RABGAP1L: variants seen among roughly 807,000 people sequenced by gnomAD.
RABGAP1L encodes rab GTPase-activating protein 1-like.
A neutral mutation model predicts 137.7 loss-of-function variants in RABGAP1L; 63 were observed. The observed-to-expected ratio is 0.46, with a 90% CI of 0.37 to 0.56. The LOEUF (loss-of-function observed/expected upper bound fraction) is 0.56. Ranked by LOEUF, RABGAP1L falls within the 20% of genes least tolerant of loss-of-function variation. The probability of loss-of-function intolerance (pLI) is 0.00; values close to 1 mark genes in which losing one functional copy is unlikely to be tolerated. For synonymous variants in RABGAP1L, 431 were observed against 433.7 expected (o/e 0.99, Z 0.08); for missense variants, 1,095 against 1,244.0 (o/e 0.88, Z 1.80).
intron 14 of RABGAP1L, among the ~76,000 whole-genome samples, chr1:174,669,329 G>A (rs1381840247): frequency 2.0e-5 from 3 of 152,136 alleles, no homozygotes; most frequent in South Asian, 2.1e-4. Flanking sequence ...CCCTTGGCAC[G>A]TGGGGATTTT....
At chr1:174,704,025 T>C (rs1393671345) in intron 17 of RABGAP1L, among the ~76,000 whole-genome samples, 1 of 152,186 alleles carries the variant, frequency 6.6e-6, no homozygotes. Context: ...TGAGATGTAG[T>C]CTCACTCTGT....
At chr1:174,837,708 AAGG>A (rs1271422553) in intron 19 of RABGAP1L, among the ~76,000 whole-genome samples, 4 of 152,210 alleles carry the variant, frequency 2.6e-5, no homozygotes, top group Non-Finnish European at 4.4e-5. Context: ...TCTAAAACAA[AAGG>A]AGTTTATTCT....
At chr1:174,469,131 G>A (rs565298915) in intron 13 of RABGAP1L, among the ~76,000 whole-genome samples, 1 of 152,114 alleles carries the variant, frequency 6.6e-6, no homozygotes, top group Non-Finnish European at 1.5e-5. Context: ...AAGTGCAGCT[G>A]TTACTGTATT....
At chr1:174,166,462 A>G (rs932380894) in intron 1 of RABGAP1L, among the ~76,000 whole-genome samples, 6 of 152,240 alleles carry the variant, frequency 3.9e-5, no homozygotes, top group African/African-American at 1.2e-4. Flanking sequence ...TATTTTATAC[A>G]AAATCCACTT....
rs143726197 is a variant in RABGAP1L at position 174,470,211 on chromosome 1, C to T, written c.1710+76066C>T. ...ATCCATCTTTTTCTCACTTCTCTAT[C>T]ATTAGCTATAAACTGATTTTGAATT... On this transcript the variant is annotated intron_variant, in intron 13 of 25. Transcript: ENST00000681986. Among the ~76,000 whole-genome samples, 8 of 152,258 alleles carry T rather than the reference C, an allele frequency of 5.3e-5. No homozygotes were observed. The East Asian group carries it at 1.5e-3, about 29-fold the overall frequency.
intron 14 of RABGAP1L, among the ~76,000 whole-genome samples, chr1:174,681,159 A>G (rs956374816): frequency 2.6e-5 from 4 of 152,196 alleles, no homozygotes; most frequent in Admixed American, 6.5e-5. Flanking sequence ...CAATTTGGCA[A>G]TTTCTTATAA....
chr1:174,850,206 G>C (rs904888077), intron 19 of RABGAP1L: 3 of 350,292 alleles, frequency 8.6e-6, no homozygotes, highest in Admixed American at 3.7e-5. Flanking sequence ...TACGCCACAC[G>C]TGGGAACACC....
At chr1:174,572,507 T>C (rs1306425674) in intron 13 of RABGAP1L, among the ~76,000 whole-genome samples, 3 of 152,054 alleles carry the variant, frequency 2.0e-5, no homozygotes, top group Non-Finnish European at 2.9e-5. Context: ...CTCAGCCTCC[T>C]GAGTAGCTAG....
chr1:174,186,810 A>G (rs1396453687), intron 1 of RABGAP1L, among the ~76,000 whole-genome samples: 1 of 152,078 alleles, frequency 6.6e-6, no homozygotes, highest in Non-Finnish European at 1.5e-5. Context: ...AAATCGAGGT[A>G]TACATTTATT....
At chr1:174,182,918 A>G (rs1666495170) in intron 1 of RABGAP1L, among the ~76,000 whole-genome samples, 1 of 152,174 alleles carries the variant, frequency 6.6e-6, no homozygotes, top group Admixed American at 6.5e-5. Context: ...ATTTATATTT[A>G]TTATAGAAAA....
chr1:174,774,529 G>A (rs1314226622), intron 18 of RABGAP1L, among the ~76,000 whole-genome samples: 1 of 151,808 alleles, frequency 6.6e-6, no homozygotes, highest in Non-Finnish European at 1.5e-5. Context: ...GTGAGATCCT[G>A]TCTCAAAAAA....
chr1:174,548,048 C>A, intron 13 of RABGAP1L: 1 of 1,550,416 alleles, frequency 6.4e-7, no homozygotes, highest in East Asian at 2.4e-5. Context: ...AGGCTTAATG[C>A]CTGTTAAATG....
At chr1:174,589,534 A>C (rs1572419948) in intron 13 of RABGAP1L, among the ~76,000 whole-genome samples, 2 of 152,264 alleles carry the variant, frequency 1.3e-5, no homozygotes, top group Admixed American at 1.3e-4. Flanking sequence ...ATTTTTGCCC[A>C]GCTTGATGTC....
chr1:174,974,699 T>C (rs949811136), intron 21 of RABGAP1L, among the ~76,000 whole-genome samples: 15 of 152,184 alleles, frequency 9.9e-5, no homozygotes, highest in Non-Finnish European at 2.2e-4. Flanking sequence ...CAAACAAAGC[T>C]CTAACCACTG....
chr1:174,226,445 C>T (rs879384613), intron 3 of RABGAP1L, among the ~76,000 whole-genome samples: 32 of 151,796 alleles, frequency 2.1e-4, no homozygotes, highest in Non-Finnish European at 4.1e-4. Flanking sequence ...TATATTCTGT[C>T]GAAAGTTTTC....
At chr1:174,649,008 G>T (rs1675228420) in intron 14 of RABGAP1L, among the ~76,000 whole-genome samples, 1 of 152,034 alleles carries the variant, frequency 6.6e-6, no homozygotes. Flanking sequence ...TTTTATCAGA[G>T]ACTAGGATTG....
chr1:174,436,184 C>A (rs1487097153), intron 13 of RABGAP1L, among the ~76,000 whole-genome samples: 1 of 152,168 alleles, frequency 6.6e-6, no homozygotes, highest in African/African-American at 2.4e-5. Context: ...AATGGGATGG[C>A]TGGGTCAAAT....
At chr1:174,211,071 C>T (rs1668848530) in intron 1 of RABGAP1L, among the ~76,000 whole-genome samples, 1 of 152,064 alleles carries the variant, frequency 6.6e-6, no homozygotes. Flanking sequence ...CCAGACCTGT[C>T]CTATAAGAAA....
intron 19 of RABGAP1L, among the ~76,000 whole-genome samples, chr1:174,891,287 G>T (rs1656096491): frequency 6.6e-6 from 1 of 152,176 alleles, no homozygotes; most frequent in African/African-American, 2.4e-5. Context: ...AATGTAGGGG[G>T]TAGGCCAGGA....
Sources: allele counts gnomAD v4.1 joint callset (sites outside exome capture counted in the v4.1 genomes callset), GRCh38; gene constraint gnomAD v4.1.1; transcripts MANE v1.5; gene names NCBI Gene and HGNC (gene_info 2026-07-23, HGNC 2026-07-21).